FAF1: variants seen among roughly 807,000 people sequenced by gnomAD.
FAF1 encodes Fas associated factor 1, also known as FAS-associated factor 1.
Under a neutral mutation model 92.5 loss-of-function variants are expected in FAF1, and 25 were observed. The observed-to-expected ratio is 0.27, with a 90% CI of 0.20 to 0.38. FAF1 has a LOEUF of 0.38. Among genes scored for constraint, FAF1 ranks in the 10% least tolerant of loss-of-function variants. The pLI, the probability that FAF1 is intolerant of heterozygous loss-of-function variation, is 1.00. For missense variants in FAF1, 636 were observed against 793.3 expected (o/e 0.80, Z 2.38); for synonymous variants, 234 against 273.2 (o/e 0.86, Z 1.42).
At chr1:50,523,142 C>A (rs572420744) in intron 15 of FAF1, among the ~76,000 whole-genome samples, 1 of 152,170 alleles carries the variant, frequency 6.6e-6, no homozygotes, top group East Asian at 1.9e-4. Flanking sequence ...TATGGATATA[C>A]CATATTTTTA....
intron 15 of FAF1, among the ~76,000 whole-genome samples, chr1:50,528,403 C>T (rs1426115927): frequency 6.6e-6 from 1 of 152,106 alleles, no homozygotes; most frequent in Admixed American, 6.6e-5. Flanking sequence ...GATCATTAGG[C>T]TTTACTTAAT....
chr1:50,707,202 CAAAAA>C (rs397862445), intron 6 of FAF1, among the ~76,000 whole-genome samples: 5 of 106,878 alleles, frequency 4.7e-5, no homozygotes, highest in Admixed American at 1.1e-4. Flanking sequence ...GACTCTGTGT[CAAAAA>C]AAAAAAAAAA....
intron 8 of FAF1, among the ~76,000 whole-genome samples, chr1:50,610,331 T>C (rs1196495171): frequency 1.3e-5 from 2 of 152,198 alleles, no homozygotes; most frequent in Non-Finnish European, 2.9e-5. Context: ...AAAGAGAACA[T>C]AATTTTCTAC....
chr1:50,826,375 A>AC (rs1644097727), intron 2 of FAF1, among the ~76,000 whole-genome samples: 1 of 151,850 alleles, frequency 6.6e-6, no homozygotes, highest in African/African-American at 2.4e-5. Context: ...ACATGGTGAA[A>AC]CCCCGTCTCT....
intron 2 of FAF1, among the ~76,000 whole-genome samples, chr1:50,819,372 T>C (rs1018395039): frequency 1.3e-5 from 2 of 151,462 alleles, no homozygotes; most frequent in East Asian, 3.9e-4. Context: ...CCCAGCACTT[T>C]GGGAGATTGA....
intron 3 of FAF1, 30 bp from the exon 4 acceptor site, chr1:50,788,235 T>C (rs1480446048): frequency 1.3e-6 from 2 of 1,574,824 alleles, no homozygotes; most frequent in East Asian, 4.5e-5. Context: ...GAAGGATTAT[T>C]GTCAACTAAA....
chr1:50,956,739 G>A (rs1293680632), intron 1 of FAF1, among the ~76,000 whole-genome samples: 7 of 152,060 alleles, frequency 4.6e-5, no homozygotes, highest in African/African-American at 1.4e-4. Flanking sequence ...ACCTGAGGTC[G>A]GGGGTTCGAG....
At chr1:50,531,126 C>A (rs756848407) in intron 15 of FAF1, among the ~76,000 whole-genome samples, 8 of 152,150 alleles carry the variant, frequency 5.3e-5, no homozygotes, top group African/African-American at 7.2e-5. Context: ...GCCCCTCTGG[C>A]ATATTTTGCC....
chr1:50,632,117 CTGATGAT>C (rs1653817036), intron 8 of FAF1, among the ~76,000 whole-genome samples: 1 of 152,084 alleles, frequency 6.6e-6, no homozygotes, highest in South Asian at 2.1e-4. Context: ...AAGCAAATGA[CTGATGAT>C]TAAGTTAACA....
At chr1:50,631,124 C>T (rs560380923) in intron 8 of FAF1, among the ~76,000 whole-genome samples, 3 of 152,098 alleles carry the variant, frequency 2.0e-5, no homozygotes, top group Non-Finnish European at 4.4e-5. Flanking sequence ...CTCTGCCACA[C>T]TGCAGTTATC....
At chr1:50,841,787 AC>A (rs559970812) in intron 2 of FAF1, among the ~76,000 whole-genome samples, 12 of 152,194 alleles carry the variant, frequency 7.9e-5, no homozygotes, top group Admixed American at 5.9e-4. Flanking sequence ...AAAAAGAAAA[AC>A]CCACATATGG....
At chr1:50,840,300 T>A (rs550077076) in intron 2 of FAF1, among the ~76,000 whole-genome samples, 1 of 151,772 alleles carries the variant, frequency 6.6e-6, no homozygotes, top group Non-Finnish European at 1.5e-5. Context: ...AAGACCCCAC[T>A]AAGAAAATGA....
At chr1:50,523,918 T>C (rs745327552) in intron 15 of FAF1, among the ~76,000 whole-genome samples, 1 of 152,224 alleles carries the variant, frequency 6.6e-6, no homozygotes, top group African/African-American at 2.4e-5. Flanking sequence ...AGTAATGGGA[T>C]TGCTGAGTCG....
chr1:50,457,590 G>T (rs940524845), intron 18 of FAF1, among the ~76,000 whole-genome samples: 1 of 151,786 alleles, frequency 6.6e-6, no homozygotes, highest in African/African-American at 2.4e-5. Flanking sequence ...GCCTTCAAAA[G>T]CTTATTTGAT....
intron 8 of FAF1, among the ~76,000 whole-genome samples, chr1:50,647,491 A>AT (rs959461371): frequency 1.1e-4 from 17 of 150,920 alleles, no homozygotes; most frequent in East Asian, 3.9e-4. Flanking sequence ...TTTGCGAATC[A>AT]TTTTTTTTTC....
intron 4 of FAF1, among the ~76,000 whole-genome samples, 181 bp downstream of exon 4, chr1:50,787,819 T>C (rs957613603): frequency 2.6e-5 from 4 of 152,214 alleles, no homozygotes; most frequent in Non-Finnish European, 4.4e-5. Context: ...TTCTCAAACT[T>C]ACCTCAATCT....
intron 4 of FAF1, among the ~76,000 whole-genome samples, chr1:50,762,712 G>A (rs1660378669): frequency 6.6e-6 from 1 of 152,116 alleles, no homozygotes; most frequent in Non-Finnish European, 1.5e-5. Context: ...AGACTTAAAT[G>A]TTAGACCTAA....
chr1:50,783,625 GCAC>G (rs1661259904), intron 4 of FAF1, among the ~76,000 whole-genome samples: 1 of 152,138 alleles, frequency 6.6e-6, no homozygotes, highest in Non-Finnish European at 1.5e-5. Flanking sequence ...TGTAATCCCA[GCAC>G]TCTGGGAGGC....
intron 13 of FAF1, among the ~76,000 whole-genome samples, chr1:50,560,804 C>A (rs189488886): frequency 2.6e-5 from 4 of 152,142 alleles, no homozygotes; most frequent in African/African-American, 9.7e-5. Context: ...ACAAGAGATA[C>A]CCACTAACCC....
Sources: gnomAD v4.1 joint callset for allele counts (sites outside exome capture counted in the v4.1 genomes callset) on GRCh38, gnomAD v4.1.1 for gene constraint, MANE v1.5 for transcripts, NCBI Gene and HGNC (gene_info 2026-07-23, HGNC 2026-07-21) for gene names.